The following SYCP2L variants were observed in gnomAD, a reference collection of about 807,000 sequenced individuals.
SYCP2L encodes the protein synaptonemal complex protein 2 like.
Under a neutral mutation model 125.8 loss-of-function variants are expected in SYCP2L, and 98 were observed. That is an observed-to-expected ratio of 0.78 (90% CI 0.66 to 0.92). The LOEUF is 0.92. Among genes scored for constraint, SYCP2L ranks in the 40% least tolerant of loss-of-function variants. The pLI, the probability that SYCP2L is intolerant of heterozygous loss-of-function variation, is 0.00. For missense variants in SYCP2L, 842 were observed against 936.4 expected (o/e 0.90, Z 1.32); for synonymous variants, 317 against 325.4 (o/e 0.97, Z 0.28).
intron 29 of SYCP2L, among the ~76,000 whole-genome samples, chr6:10,971,254 C>G (rs927576720): frequency 2.0e-5 from 3 of 151,848 alleles, no homozygotes; most frequent in African/African-American, 7.3e-5. Context: ...GTCAGGAGAT[C>G]GAGACCATCC....
At chr6:10,956,015 GGGCTTCCAT>G in intron 24 of SYCP2L, 112 bp from the exon 25 acceptor site, 1 of 732,654 alleles carries the variant, frequency 1.4e-6, no homozygotes, top group Non-Finnish European at 2.3e-6. Context: ...GCAGTCAGCG[GGGCTTCCAT>G]GGTTCGCATC....
intron 24 of SYCP2L, among the ~76,000 whole-genome samples, chr6:10,955,575 C>T (rs1781490410): frequency 6.6e-6 from 1 of 152,208 alleles, no homozygotes; most frequent in Non-Finnish European, 1.5e-5. Context: ...GGAATGTCTG[C>T]ATGTTTGAGG....
intron 23 of SYCP2L, among the ~76,000 whole-genome samples, chr6:10,944,469 C>G (rs563196830): frequency 1.3e-5 from 2 of 152,256 alleles, no homozygotes; most frequent in African/African-American, 4.8e-5. Flanking sequence ...GTACTTCTCT[C>G]TCTGTATAAT....
rs551887020 is a variant in SYCP2L at position 10,908,603 on chromosome 6, G to A, written c.819+919G>A. On this transcript the variant is annotated intron_variant, in intron 10 of 29. Transcript: ENST00000283141. The stretch of plus-strand genomic sequence containing the variant: ...TTAAAATGAGGGTTAGACTCTTGTA[G>A]GAAAAGGTAGAATTCTTAATAACAG... 3.3e-5 allele frequency among the ~76,000 whole-genome samples: 5 copies of A among 152,248 alleles called. No individual in the cohort carries two copies. The South Asian group carries it at 6.2e-4, about 19-fold the overall frequency.
At chr6:10,960,112 A>G (rs1054297812) in intron 26 of SYCP2L, among the ~76,000 whole-genome samples, 1 of 152,210 alleles carries the variant, frequency 6.6e-6, no homozygotes, top group East Asian at 1.9e-4. Context: ...AAAGATTTGA[A>G]TGGCACAGGG....
At chr6:10,918,015 C>T (rs1282218903) in intron 14 of SYCP2L, among the ~76,000 whole-genome samples, 3 of 152,018 alleles carry the variant, frequency 2.0e-5, no homozygotes, top group South Asian at 2.1e-4. Context: ...GAGAAATCTG[C>T]TGTTAATCTG....
intron 1 of SYCP2L, among the ~76,000 whole-genome samples, chr6:10,890,176 G>A (rs1780150327): frequency 6.6e-6 from 1 of 152,178 alleles, no homozygotes; most frequent in Admixed American, 6.5e-5. Flanking sequence ...GTAAACATGG[G>A]AGTGCAGATA....
At chr6:10,939,763 A>G (rs984475579) in intron 21 of SYCP2L, among the ~76,000 whole-genome samples, 4 of 152,222 alleles carry the variant, frequency 2.6e-5, no homozygotes, top group Non-Finnish European at 5.9e-5. Flanking sequence ...ACTGTACAAG[A>G]CAAAAATAGG....
At chr6:10,888,408 T>C (rs975588222) in intron 1 of SYCP2L, among the ~76,000 whole-genome samples, 17 of 152,234 alleles carry the variant, frequency 1.1e-4, no homozygotes, top group African/African-American at 3.6e-4. Flanking sequence ...ATCATGTTTT[T>C]TAAATGAGGA....
chr6:10,905,317 A>C (rs1031580459), intron 8 of SYCP2L, among the ~76,000 whole-genome samples: 9 of 150,538 alleles, frequency 6.0e-5, no homozygotes, highest in African/African-American at 2.2e-4. Flanking sequence ...TTTGAGTCGG[A>C]GTTTCACTCT....
At chr6:10,927,413 T>C in intron 17 of SYCP2L, 46 bp downstream of exon 17, 1 of 1,506,288 alleles carries the variant, frequency 6.6e-7, no homozygotes, top group Non-Finnish European at 9.2e-7. Flanking sequence ...GGTTGAGAAA[T>C]AAAGGGACGG....
At chr6:10,934,259 ATGT>A (rs1473813087) in intron 20 of SYCP2L, among the ~76,000 whole-genome samples, 8 of 152,254 alleles carry the variant, frequency 5.3e-5, no homozygotes, top group South Asian at 2.1e-4. Context: ...GAAAATAGTG[ATGT>A]TGTAGTTCCT....
At chr6:10,958,938 C>T in intron 26 of SYCP2L, 63 bp downstream of exon 26, 1 of 1,426,472 alleles carries the variant, frequency 7.0e-7, no homozygotes, top group Admixed American at 1.7e-5. Context: ...GCGTTTATCT[C>T]ATGACCACTG....
chr6:10,904,917 G>A (rs996315712), intron 8 of SYCP2L, among the ~76,000 whole-genome samples: 11 of 151,734 alleles, frequency 7.2e-5, no homozygotes, highest in Non-Finnish European at 1.6e-4. Context: ...TAAGGTGGGC[G>A]GATCACTTGA....
At chr6:10,962,017 A>G (rs2295600) in intron 28 of SYCP2L, among the ~76,000 whole-genome samples, 69,822 of 151,932 alleles carry the variant, frequency 0.46, 16,520 homozygotes, top group East Asian at 0.69. Flanking sequence ...TAATTCATCA[A>G]TACATCCTCT....
intron 29 of SYCP2L, among the ~76,000 whole-genome samples, chr6:10,969,461 C>T (rs532566854): frequency 1.4e-4 from 21 of 150,474 alleles, no homozygotes; most frequent in Admixed American, 2.7e-4. Context: ...CCTGAGTTCA[C>T]GCCATTCTCC....
chr6:10,967,454 G>GGGGTGGGTGT (rs56098075), intron 29 of SYCP2L, among the ~76,000 whole-genome samples: 6 of 138,838 alleles, frequency 4.3e-5, no homozygotes, highest in Non-Finnish European at 7.8e-5. Context: ...TGGGGTAGAG[G>GGGGTGGGTGT]GTGTGTGTGT....
At position 10,942,761 on chromosome 6, in the gene SYCP2L, C is replaced by CTTTTT; in HGVS notation, c.1954+27_1954+31dup. On this transcript the variant is annotated intron_variant, in intron 23 of 29. Coordinates refer to ENST00000283141, the MANE Select transcript of SYCP2L (RefSeq NM_001040274.3). ...GGAAGACAAAGGTAAGAGAATAGTA[C>CTTTTT]TTTTTTTTTTTTTTTTGCAGAATAA... 1 of 1,408,306 alleles carries CTTTTT rather than the reference C, an allele frequency of 7.1e-7. No individual in the cohort carries two copies. 87.2% of individuals were successfully genotyped at this position (1,408,306 alleles called of 1,614,324 possible).
chr6:10,913,897 T>C (rs997961707), intron 14 of SYCP2L, among the ~76,000 whole-genome samples: 3 of 152,004 alleles, frequency 2.0e-5, no homozygotes, highest in African/African-American at 7.2e-5. Flanking sequence ...AATGGCGCGA[T>C]CTTGGCTCAC....
Sources: gnomAD v4.1 joint callset for allele counts (sites outside exome capture counted in the v4.1 genomes callset) on GRCh38, gnomAD v4.1.1 for gene constraint, MANE v1.5 for transcripts, NCBI Gene and HGNC (gene_info 2026-07-23, HGNC 2026-07-21) for gene names.